The following SH3GL3 variants were observed in gnomAD, a reference collection of about 807,000 sequenced individuals.
SH3GL3 encodes the protein endophilin-A3.
SH3GL3 carries 33 observed loss-of-function variants against 47.7 expected under a neutral mutation model. The ratio of observed to expected loss-of-function variants is 0.69; its 90% CI spans 0.52 to 0.92. SH3GL3 has a LOEUF of 0.92. Ranked by LOEUF, SH3GL3 falls within the 40% of genes least tolerant of loss-of-function variation. SH3GL3 has a pLI of 0.00. For synonymous variants in SH3GL3, 155 were observed against 148.8 expected (o/e 1.04, Z -0.30); for missense variants, 363 against 417.8 (o/e 0.87, Z 1.14).
intron 1 of SH3GL3, among the ~76,000 whole-genome samples, chr15:83,512,002 G>A (rs1189308858): frequency 6.6e-6 from 1 of 152,168 alleles, no homozygotes; most frequent in East Asian, 1.9e-4. Flanking sequence ...TTTGCACCAT[G>A]TCAGCACTAT....
At chr15:83,468,147 T>C (rs890431946) in intron 1 of SH3GL3, among the ~76,000 whole-genome samples, 1 of 152,248 alleles carries the variant, frequency 6.6e-6, no homozygotes, top group Non-Finnish European at 1.5e-5. Context: ...GTATATTCAA[T>C]GTAGGTGTCC....
At chr15:83,491,041 G>C in intron 1 of SH3GL3, 13 of 1,435,256 alleles carry the variant, frequency 9.1e-6, no homozygotes, top group African/African-American at 1.4e-5. Flanking sequence ...TATTAGCAAG[G>C]AGTGATGATT....
At chr15:83,619,159 T>C (rs1368244030), downstream of SH3GL3, among the ~76,000 whole-genome samples, 1 of 152,156 alleles carries the variant, frequency 6.6e-6, no homozygotes, top group Non-Finnish European at 1.5e-5. Context: ...GAGTCTACAA[T>C]CCTATTATGT....
chr15:83,483,495 G>GT (rs1257307432), intron 1 of SH3GL3, among the ~76,000 whole-genome samples: 1 of 152,200 alleles, frequency 6.6e-6, no homozygotes, highest in African/African-American at 2.4e-5. Flanking sequence ...CAGTGGCTAT[G>GT]TATTAGATAG....
At chr15:83,597,943 C>T (rs1403583802) in intron 8 of SH3GL3, among the ~76,000 whole-genome samples, 1 of 152,168 alleles carries the variant, frequency 6.6e-6, no homozygotes, top group Non-Finnish European at 1.5e-5. Flanking sequence ...CCACTTAATT[C>T]TTATCTCCTT....
At position 83,568,097 on chromosome 15, in the gene SH3GL3, C is replaced by T. The variant is rs370659917; in HGVS notation, c.188-432C>T. 1.8e-4 allele frequency among the ~76,000 whole-genome samples: 27 copies of T among 152,112 alleles called. 1 individual carries two copies. The East Asian group carries it at 4.1e-3, about 23-fold the overall frequency. On this transcript the variant is annotated intron_variant, in intron 3 of 8. Transcript: ENST00000427482. ...TCCCGGGTTCAAGCAATTCTCCTGC[C>T]TCAGCCTCCCGAGTAGCTAGGATTA...
Position 83,576,479 on chromosome 15 carries a change from G to A in SH3GL3, c.466-104G>A, listed in dbSNP as rs539414606. 4 of 1,104,696 alleles carry A rather than the reference G, an allele frequency of 3.6e-6. No homozygotes were observed. In the South Asian group the frequency reaches 5.3e-5, roughly 15 times the overall value. 68.4% of individuals were successfully genotyped at this position (1,104,696 alleles called of 1,614,324 possible). A position where few individuals can be genotyped will look rare whatever the true frequency, so the allele number is the denominator to read the frequency against. On this transcript the variant is annotated intron_variant, in intron 5 of 8. Transcript: ENST00000427482. Reference sequence around the variant, plus strand: ...GTGTAAGGTGGGTTCCTGCCCTCTGGAATCTAGGCCGAGAAAAAGCAATGA... The same window carrying A: ...GTGTAAGGTGGGTTCCTGCCCTCTGAAATCTAGGCCGAGAAAAAGCAATGA...
intron 1 of SH3GL3, among the ~76,000 whole-genome samples, chr15:83,470,059 T>G (rs1261336421): frequency 6.6e-6 from 1 of 152,198 alleles, no homozygotes; most frequent in Non-Finnish European, 1.5e-5. Flanking sequence ...TCATATAATG[T>G]TCCTGTCTCT....
chr15:83,589,356 G>A lies in SH3GL3; in HGVS notation c.838+585G>A, dbSNP rs117385914. 5.3e-3 allele frequency among the ~76,000 whole-genome samples: 805 copies of A among 152,062 alleles called. 9 individuals are homozygous for A. The highest frequency in any genetic ancestry group is 8.8e-3 in the Non-Finnish European group (600 of 67,962). ...GTACATAAATATACACATAAACAGC[G>A]TTTTGGATTTTTTTCTGTTTTTTCT... On this transcript the variant is annotated intron_variant, in intron 8 of 8. Coordinates refer to ENST00000427482, the MANE Select transcript of SH3GL3 (RefSeq NM_003027.5).
chr15:83,557,542 A>T (rs759471769), intron 1 of SH3GL3, among the ~76,000 whole-genome samples: 23 of 152,226 alleles, frequency 1.5e-4, no homozygotes, highest in Non-Finnish European at 3.2e-4. Flanking sequence ...TCCTGTTCCC[A>T]TGCCTCAGCA....
chr15:83,546,240 G>A (rs999035433), intron 1 of SH3GL3, among the ~76,000 whole-genome samples: 6 of 151,730 alleles, frequency 4.0e-5, no homozygotes, highest in African/African-American at 1.2e-4. Flanking sequence ...CGCTACCCAA[G>A]TTGCAAGACA....
chr15:83,572,528 C>T, intron 4 of SH3GL3, 37 bp from the exon 5 acceptor site: 1 of 1,582,238 alleles, frequency 6.3e-7, no homozygotes, highest in Non-Finnish European at 8.6e-7. Flanking sequence ...GAGTAGTGTT[C>T]CCAAAGAACC....
At chr15:83,624,233 G>C in the SH3GL3 span, among the ~76,000 whole-genome samples, 1 of 152,070 alleles carries the variant, frequency 6.6e-6, no homozygotes, top group Non-Finnish European at 1.5e-5. Context: ...AAATAGATTG[G>C]GTCCCAGTAG....
At position 83,588,658 on chromosome 15, in the gene SH3GL3, A is replaced by ACAGAATAT; in HGVS notation, c.729_736dup. ...TCTGGCTCATCTTACGATGTGTGTTACAGAATATCAGCTGCATCCAGTGTC... is the reference window on the plus strand; with the variant it reads ...TCTGGCTCATCTTACGATGTGTGTTACAGAATATCAGAATATCAGCTGCATCCAGTGTC... On this transcript the variant is annotated splice_polypyrimidine_tract_variant and splice_region_variant and intron_variant, in intron 7 of 8. Coordinates refer to ENST00000427482, the MANE Select transcript of SH3GL3 (RefSeq NM_003027.5). 1 of 1,568,644 alleles carries ACAGAATAT rather than the reference A, an allele frequency of 6.4e-7. No individual in the cohort carries two copies. The highest frequency in any genetic ancestry group is 8.8e-7 in the Non-Finnish European group (1 of 1,138,594).
rs1374108229 is a variant in SH3GL3, at chr15:83,525,198, C to T, written c.46-34055C>T. 4.0e-5 allele frequency among the ~76,000 whole-genome samples: 6 copies of T among 151,816 alleles called. No homozygotes were observed. In the East Asian group the frequency reaches 9.7e-4, roughly 24 times the overall value. ...TTTTGTCTTTTTGTTGATAGCCATTCGAATTTGATAAGATATCTCTATTGT... is the reference window on the plus strand; with the variant it reads ...TTTTGTCTTTTTGTTGATAGCCATTTGAATTTGATAAGATATCTCTATTGT... On this transcript the variant is annotated intron_variant, in intron 1 of 8. Transcript: ENST00000427482.
At chr15:83,589,914 A>G (rs1596317115) in intron 8 of SH3GL3, among the ~76,000 whole-genome samples, 1 of 152,294 alleles carries the variant, frequency 6.6e-6, no homozygotes, top group Middle Eastern at 3.4e-3. Flanking sequence ...CATTACTATT[A>G]AAGCATGAAC....
At chr15:83,582,805 A>G (rs1268472884) in intron 6 of SH3GL3, among the ~76,000 whole-genome samples, 1 of 152,256 alleles carries the variant, frequency 6.6e-6, no homozygotes, top group African/African-American at 2.4e-5. Context: ...GACTGGTATC[A>G]GGCAAATTAA....
intron 1 of SH3GL3, among the ~76,000 whole-genome samples, chr15:83,523,480 A>G (rs1442377934): frequency 5.3e-5 from 8 of 152,170 alleles, no homozygotes; most frequent in Non-Finnish European, 1.0e-4. Flanking sequence ...GACTTTTCTT[A>G]TATGTGGCCT....
At chr15:83,557,083 C>T (rs770936822) in intron 1 of SH3GL3, among the ~76,000 whole-genome samples, 2 of 152,186 alleles carry the variant, frequency 1.3e-5, no homozygotes, top group African/African-American at 2.4e-5. Context: ...TTGGCCAAAG[C>T]AAGTCGAAGC....
Sources: gnomAD v4.1 joint callset for allele counts (sites outside exome capture counted in the v4.1 genomes callset) on GRCh38, gnomAD v4.1.1 for gene constraint, MANE v1.5 for transcripts, NCBI Gene and HGNC (gene_info 2026-07-23, HGNC 2026-07-21) for gene names.